The following EFEMP2 variants were observed in gnomAD, a reference collection of about 807,000 sequenced individuals.
EFEMP2 encodes the protein EGF-like fibulin extracellular matrix protein 2.
A neutral mutation model predicts 55.3 loss-of-function variants in EFEMP2; 21 were observed. The observed-to-expected ratio is 0.38, with a 90% CI of 0.27 to 0.55. The LOEUF (loss-of-function observed/expected upper bound fraction) is 0.55, where lower values mean the gene tolerates loss of function less well. Among genes scored for constraint, EFEMP2 ranks in the 20% least tolerant of loss-of-function variants. The probability of loss-of-function intolerance (pLI) is 0.77; values close to 1 mark genes in which losing one functional copy is unlikely to be tolerated. For missense variants in EFEMP2, 513 were observed against 615.1 expected (o/e 0.83, Z 1.76); for synonymous variants, 275 against 242.3 (o/e 1.14, Z -1.25).
rs767599210 is a variant in EFEMP2, at chr11:65,870,546, G to A, written c.480C>T (p.Pro160=). 5.6e-6 allele frequency: 9 copies of A among 1,613,856 alleles called. No homozygotes were observed. Among genetic ancestry groups the A allele is most frequent in the South Asian group, 3.3e-5 (3 of 91,072 alleles). Residue 160 remains proline, a synonymous_variant, in exon 5 of 11, where the codon CCC becomes CCT. Coordinates refer to ENST00000307998, the MANE Select transcript of EFEMP2 (RefSeq NM_016938.5). ...GCTTCCTGGACTCACCCACACACTC[G>A]GGCCCGATCTTGCGGTAACCATCAG... ...TCPDGYRKIG[P]ECVDIDECRY...
rs1859859168 is a variant in EFEMP2, at chr11:65,866,949, A to G, written c.1301T>C (p.Leu434Pro). 2.5e-6 allele frequency: 4 copies of G among 1,614,132 alleles called. No homozygotes were observed. Among genetic ancestry groups the G allele is most frequent in the Non-Finnish European group, 3.4e-6 (4 of 1,180,010 alleles). The change falls in exon 11 of 11, where the codon CTC (leucine) becomes CCC (proline). Residue 434 changes from leucine to proline, a missense_variant. Leu to Pro is a moderately conservative substitution (Grantham distance 98). Transcript: ENST00000307998. ...GGTGTAGGCCCCTACAAAGACGGTG[A>G]GCCTCAGTACAGAGCTGGCCCGGTA... ...MSYRASSVLR[L>P]TVFVGAYTF is the part of the protein sequence containing the mutation.
intron 10 of EFEMP2, chr11:65,867,369 G>C: frequency 1.9e-6 from 1 of 526,502 alleles, no homozygotes. Context: ...GGGACTGGTG[G>C]GACCTTTGGT....
intron 4 of EFEMP2, 183 bp from the exon 5 acceptor site, chr11:65,870,841 T>C (rs1859952952): frequency 2.3e-6 from 2 of 855,554 alleles, no homozygotes; most frequent in Non-Finnish European, 3.7e-6. Context: ...GGAAATAAGG[T>C]CCTGTCCAAA....
chr11:65,870,313 A>C, intron 5 of EFEMP2, 76 bp from the exon 6 acceptor site: 1 of 1,491,282 alleles, frequency 6.7e-7, no homozygotes, highest in South Asian at 1.1e-5. Context: ...GCTGGGACTC[A>C]AGGCTTCACC....
chr11:65,868,736 A>T, intron 7 of EFEMP2, 107 bp from the exon 8 acceptor site: 1 of 1,485,236 alleles, frequency 6.7e-7, no homozygotes, highest in Non-Finnish European at 9.2e-7. Flanking sequence ...TGAATGTAGG[A>T]AGACAGAGGG....
Position 65,866,642 on chromosome 11 carries a change from T to C in EFEMP2, c.*276A>G. 1.4e-6 allele frequency: 1 copy of C among 703,118 alleles called. No individual in the cohort carries two copies. Among genetic ancestry groups the C allele is most frequent in the South Asian group, 1.5e-5 (1 of 67,568 alleles). The allele number at this position is 703,118 out of a possible 1,614,324, so 43.6% of individuals were successfully genotyped here. A position where few individuals can be genotyped will look rare whatever the true frequency, so the allele number is the denominator to read the frequency against. On this transcript the variant is annotated 3_prime_UTR_variant, in exon 11 of 11. Transcript: ENST00000307998. ...CCTGGAGTCCGCCCTCCTCGTTACCTCCTCTCCTCTCGGGGTGACTGAAGC... is the reference window on the plus strand; with the variant it reads ...CCTGGAGTCCGCCCTCCTCGTTACCCCCTCTCCTCTCGGGGTGACTGAAGC...
chr11:65,869,945 G>T lies in EFEMP2; in HGVS notation c.639C>A (p.Cys213Ter), dbSNP rs199606204. 2 of 1,613,950 alleles carry T rather than the reference G, an allele frequency of 1.2e-6. No homozygotes were observed. Among genetic ancestry groups the T allele is most frequent in the African/African-American group, 1.3e-5 (1 of 75,040 alleles). The change falls in exon 7 of 11, where the codon TGC becomes TGA. Residue 213 changes from cysteine to a stop codon, truncating the protein, a stop_gained. Transcript: ENST00000307998. LOFTEE classifies it high-confidence loss of function. The stretch of plus-strand genomic sequence containing the variant: ...CATAGGAGTTGAAGCAGCGCTGCTC[G>T]CATGGGGCCCCCATGTCACACTCGT... ...DVNECDMGAP[C>*]EQRCFNSYGT...
At position 65,871,036 on chromosome 11, in the gene EFEMP2, GT is replaced by G. The variant is rs1859955669; in HGVS notation, c.367+120del. On this transcript the variant is annotated intron_variant, in intron 4 of 10. Transcript: ENST00000307998. ...GCGGCAGGTCCTAAACAACATGAGT[GT>G]CTGGATGAGGGTGTGGACATCACCA... 3 of 1,217,818 alleles carry G rather than the reference GT, an allele frequency of 2.5e-6. No individual in the cohort carries two copies. In the East Asian group the frequency reaches 7.6e-5, roughly 31 times the overall value. 75.4% of individuals were successfully genotyped at this position (1,217,818 alleles called of 1,614,324 possible).
intron 8 of EFEMP2, 25 bp from the exon 9 acceptor site, chr11:65,868,446 A>C: frequency 6.2e-7 from 1 of 1,613,768 alleles, no homozygotes; most frequent in Non-Finnish European, 8.5e-7. Flanking sequence ...AGGGGCTGGA[A>C]TCGGGGGCGT....
At position 65,871,312 on chromosome 11, in the gene EFEMP2, C is replaced by A; in HGVS notation, c.212G>T (p.Cys71Phe). The stretch of plus-strand genomic sequence containing the variant: ...CAAGTAGCCCCCGTAGTGGTTGATG[C>A]ACTTCATTTCCCCCTTGCAGGCCTC... ...IPEACKGEMK[C>F]INHYGGYLCL... The change falls in exon 4 of 11, where the codon TGC becomes TTC. Residue 71 changes from cysteine (C) to phenylalanine (F), a missense_variant. Coordinates refer to ENST00000307998, the MANE Select transcript of EFEMP2 (RefSeq NM_016938.5). The A allele has an allele frequency of 6.2e-7, 1 of 1,614,186 alleles. No individual in the cohort carries two copies. The highest frequency in any genetic ancestry group is 1.1e-5 in the South Asian group (1 of 91,086).
At chr11:65,867,555 G>C in intron 10 of EFEMP2, 1 of 480,732 alleles carries the variant, frequency 2.1e-6, no homozygotes, top group Admixed American at 3.3e-5. Flanking sequence ...CACTAGCAAG[G>C]AGTGGACTTT....
intron 3 of EFEMP2, 41 bp from the exon 4 acceptor site, chr11:65,871,404 C>T (rs765719863): frequency 1.1e-5 from 18 of 1,603,052 alleles, no homozygotes; most frequent in Non-Finnish European, 1.5e-5. Flanking sequence ...GTCTCCTGGG[C>T]TGGCCCTGGA....
In EFEMP2 at chr11:65,866,736, T is replaced by C. The variant is rs1565271753; in HGVS notation, c.*182A>G. ...GCCTGAACATATAGAGACCCCCATT[T>C]AGGTGAACTTGGCCTGCCCCCCCAA... On this transcript the variant is annotated 3_prime_UTR_variant, in exon 11 of 11. Transcript: ENST00000307998. 1.0e-5 allele frequency: 8 copies of C among 779,980 alleles called. No homozygotes were observed. Among genetic ancestry groups the C allele is most frequent in the Non-Finnish European group, 1.8e-5 (8 of 454,134 alleles). The allele number at this position is 779,980 out of a possible 1,614,324, so 48.3% of individuals were successfully genotyped here.
At chr11:65,867,586 A>G (rs1288518193) in intron 10 of EFEMP2, 4 of 517,060 alleles carry the variant, frequency 7.7e-6, no homozygotes, top group Non-Finnish European at 1.4e-5. Flanking sequence ...GGCCCTGCAC[A>G]CGCCATTCCC....
At chr11:65,867,309 G>T in intron 10 of EFEMP2, 1 of 591,374 alleles carries the variant, frequency 1.7e-6, no homozygotes. Flanking sequence ...TCTCCAGCCT[G>T]CTCTGTCTGA....
intron 7 of EFEMP2, chr11:65,869,400 G>T (rs1859923767): frequency 4.1e-6 from 1 of 242,544 alleles, no homozygotes; most frequent in Non-Finnish European, 8.3e-6. Flanking sequence ...AGTGTGTCAG[G>T]GAATACACTA....
At chr11:65,868,892 T>A (rs1359049991) in intron 7 of EFEMP2, 1 of 493,018 alleles carries the variant, frequency 2.0e-6, no homozygotes, top group Non-Finnish European at 3.7e-6. Context: ...TGGGTGTGAA[T>A]CCCACCAGCT....
rs2234472 is a variant in EFEMP2, at chr11:65,867,128, C to T, written c.1171-49G>A. On this transcript the variant is annotated intron_variant, in intron 10 of 10. Transcript: ENST00000307998. ...CATATATATTGTGTCAGCCTGTGTGCTAGGCCCCTGCCCCAGCGTCACCTC... is the reference window on the plus strand; with the variant it reads ...CATATATATTGTGTCAGCCTGTGTGTTAGGCCCCTGCCCCAGCGTCACCTC... 135 of 1,608,914 alleles carry T rather than the reference C, an allele frequency of 8.4e-5. No individual in the cohort carries two copies. The African/African-American group carries it at 1.3e-3, about 16-fold the overall frequency.
chr11:65,872,266 G>T lies in EFEMP2; in HGVS notation c.89C>A (p.Ser30Tyr), dbSNP rs1279724637. The change falls in exon 2 of 11, where the codon TCT becomes TAT. Residue 30 changes from serine to tyrosine, a missense_variant. Physicochemically the swap from Ser to Tyr is moderately radical, Grantham distance 144 (BLOSUM62 -2). Transcript: ENST00000307998. ...CACCGTGTAGCTGTCGGGCTCTTCAGAATCCTGAGGAGAAGCTGATCCCAA... is the reference window on the plus strand; with the variant it reads ...CACCGTGTAGCTGTCGGGCTCTTCATAATCCTGAGGAGAAGCTGATCCCAA... ...LLLGSASPQD[S>Y]EEPDSYTECT... 2 of 1,551,562 alleles carry T rather than the reference G, an allele frequency of 1.3e-6. No homozygotes were observed. The highest frequency in any genetic ancestry group is 1.7e-4 in the Middle Eastern group (1 of 6,014).
Sources: allele counts gnomAD v4.1 joint callset, GRCh38; gene constraint gnomAD v4.1.1; transcripts MANE v1.5; gene names NCBI Gene and HGNC (gene_info 2026-07-23, HGNC 2026-07-21).